The following BMP5 variants were observed in gnomAD, a reference collection of about 807,000 sequenced individuals.
The protein encoded by BMP5 is bone morphogenetic protein 5.
In BMP5, 23 loss-of-function variants were observed where a neutral mutation model predicts 46.6. The ratio of observed to expected loss-of-function variants is 0.49; its 90% CI spans 0.35 to 0.70. BMP5 has a LOEUF of 0.70. BMP5 is among the 30% of genes least tolerant of loss of function. The probability of loss-of-function intolerance (pLI) is 0.00; values close to 1 mark genes in which losing one functional copy is unlikely to be tolerated. For missense variants in BMP5, 545 were observed against 565.6 expected, an observed-to-expected ratio of 0.96 and a Z score of 0.37; for synonymous variants, 204 against 191.9, an observed-to-expected ratio of 1.06 and a Z score of -0.52.
intron 1 of BMP5, among the ~76,000 whole-genome samples, chr6:55,851,814 C>T (rs534702476): frequency 5.3e-5 from 8 of 152,072 alleles, no homozygotes; most frequent in South Asian, 2.1e-4. Context: ...AATCTACATT[C>T]CCTCTAGTAA....
chr6:55,854,701 A>C (rs888315816), intron 1 of BMP5, among the ~76,000 whole-genome samples: 1 of 152,098 alleles, frequency 6.6e-6, no homozygotes, highest in Non-Finnish European at 1.5e-5. Context: ...TTTACCTCAT[A>C]TGCTTCATTG....
intron 1 of BMP5, among the ~76,000 whole-genome samples, chr6:55,836,360 T>TGTGTGTA (rs1776792588): frequency 6.6e-6 from 1 of 152,180 alleles, no homozygotes; most frequent in African/African-American, 2.4e-5. Flanking sequence ...TGTATGTAAC[T>TGTGTGTA]ATTTTGCAAA....
intron 1 of BMP5, among the ~76,000 whole-genome samples, chr6:55,837,536 A>G (rs1350177028): frequency 1.3e-5 from 2 of 152,124 alleles, no homozygotes; most frequent in Admixed American, 1.3e-4. Flanking sequence ...GATACATAGT[A>G]GGTGTATATA....
chr6:55,866,789 C>A lies in BMP5; in HGVS notation c.490+7587G>T, dbSNP rs188306642. On this transcript the variant is annotated intron_variant, in intron 1 of 6. Transcript: ENST00000370830. Reference sequence around the variant, plus strand: ...TTAATATATCACCTGAAATTATTGACCCATGTACAATTTAAGGATTTTTTC... The same window carrying A: ...TTAATATATCACCTGAAATTATTGAACCATGTACAATTTAAGGATTTTTTC... Among the ~76,000 whole-genome samples the A allele has an allele frequency of 4.8e-3, 723 of 152,116 alleles. 9 individuals carry two copies. The highest frequency in any genetic ancestry group is 0.017 in the African/African-American group (695 of 41,496).
chr6:55,829,320 A>T (rs1776605659), intron 1 of BMP5, among the ~76,000 whole-genome samples: 2 of 151,790 alleles, frequency 1.3e-5, no homozygotes, highest in African/African-American at 4.8e-5. Flanking sequence ...ATAATAAATA[A>T]ATATAGGAAT....
At chr6:55,786,266 A>G (rs933952895) in intron 3 of BMP5, among the ~76,000 whole-genome samples, 1 of 151,802 alleles carries the variant, frequency 6.6e-6, no homozygotes, top group Admixed American at 6.6e-5. Flanking sequence ...TAATGCTTAA[A>G]GTATAAATAT....
chr6:55,797,765 T>C (rs754538759), intron 2 of BMP5, among the ~76,000 whole-genome samples: 26 of 151,904 alleles, frequency 1.7e-4, no homozygotes, highest in Middle Eastern at 3.2e-3. Flanking sequence ...TACAGGCGCC[T>C]GCCACCACGC....
intron 2 of BMP5, among the ~76,000 whole-genome samples, chr6:55,797,706 T>C (rs998588289): frequency 6.3e-5 from 9 of 142,184 alleles, no homozygotes; most frequent in African/African-American, 2.4e-4. Flanking sequence ...AAGATCCACC[T>C]CCAGGGTTCG....
intron 1 of BMP5, among the ~76,000 whole-genome samples, chr6:55,836,631 TACACACACACACAC>T (rs61358651): frequency 5.0e-5 from 7 of 139,518 alleles, no homozygotes; most frequent in Non-Finnish European, 3.1e-5. Flanking sequence ...CATACATACA[TACACACACACACAC>T]ACACACACAC....
chr6:55,793,975 T>C (rs1775639843), intron 3 of BMP5, among the ~76,000 whole-genome samples: 2 of 152,208 alleles, frequency 1.3e-5, no homozygotes. Context: ...TTTGGTATTG[T>C]TGTATTAGAG....
At chr6:55,833,720 G>C (rs540599913) in intron 1 of BMP5, among the ~76,000 whole-genome samples, 2 of 152,288 alleles carry the variant, frequency 1.3e-5, no homozygotes, top group Non-Finnish European at 2.9e-5. Flanking sequence ...AAGGATAAAA[G>C]TCTGTGTCGT....
chr6:55,847,003 G>A (rs1189441344), intron 1 of BMP5, among the ~76,000 whole-genome samples: 1 of 151,174 alleles, frequency 6.6e-6, no homozygotes, highest in Non-Finnish European at 1.5e-5. Flanking sequence ...CAAAAAAAAA[G>A]GAAAATAACC....
At chr6:55,803,035 C>T (rs1775887707) in intron 2 of BMP5, among the ~76,000 whole-genome samples, 1 of 151,156 alleles carries the variant, frequency 6.6e-6, no homozygotes, top group South Asian at 2.1e-4. Flanking sequence ...GCCTGTAATC[C>T]CAGCACTTGG....
intron 1 of BMP5, among the ~76,000 whole-genome samples, chr6:55,825,353 T>C (rs1339017613): frequency 1.3e-5 from 2 of 151,870 alleles, no homozygotes; most frequent in African/African-American, 2.4e-5. Context: ...AATAATTTAT[T>C]ATTATATTTT....
intron 2 of BMP5, among the ~76,000 whole-genome samples, chr6:55,805,916 AT>A (rs376567345): frequency 3.3e-5 from 5 of 150,184 alleles, no homozygotes; most frequent in African/African-American, 7.3e-5. Context: ...TGATGGGGTT[AT>A]TTTTTTTTCC....
At position 55,874,646 on chromosome 6, in the gene BMP5, C is replaced by T. The variant is rs181666816; in HGVS notation, c.220G>A (p.Ala74Thr). The T allele has an allele frequency of 1.5e-5, 24 of 1,613,564 alleles. No individual in the cohort carries two copies. The Admixed American group carries it at 3.8e-4, about 26-fold the overall frequency. The change falls in exon 1 of 7, where the codon GCG becomes ACG. Residue 74 changes from alanine (A) to threonine (T), a missense_variant. Physicochemically the swap from Ala to Thr is moderately conservative, Grantham distance 58. Coordinates refer to ENST00000370830, the MANE Select transcript of BMP5 (RefSeq NM_021073.4). ...RPRPFSPGKQ[A>T]SSAPLFMLDL... The stretch of plus-strand genomic sequence containing the variant: ...AGCATAAAGAGAGGTGCAGAGGACG[C>T]TTGTTTTCCAGGTGAAAATGGTCTG...
At chr6:55,777,427 A>G (rs1775203669) in intron 3 of BMP5, among the ~76,000 whole-genome samples, 1 of 152,012 alleles carries the variant, frequency 6.6e-6, no homozygotes. Flanking sequence ...GTGTATCAAC[A>G]TGGATTTAAT....
chr6:55,774,053 A>C lies in BMP5; in HGVS notation c.1023T>G (p.Val341=). The change falls in exon 4 of 7, where the codon GTT becomes GTG. Residue 341 remains valine (V), a synonymous_variant. Coordinates refer to ENST00000370830, the MANE Select transcript of BMP5 (RefSeq NM_021073.4). ...SHQDSSRMSS[V]GDYNTSEQKQ... ...GCTGCTCGGGTTTATTCTTACCTCC[A>C]ACACTGGACATTCTGGAGGAGTCCT... The C allele has an allele frequency of 6.2e-7, 1 of 1,612,414 alleles. No homozygotes were observed. Among genetic ancestry groups the C allele is most frequent in the Non-Finnish European group, 8.5e-7 (1 of 1,179,170 alleles).
chr6:55,818,350 A>G (rs190817969), intron 2 of BMP5, among the ~76,000 whole-genome samples: 46 of 151,882 alleles, frequency 3.0e-4, no homozygotes, highest in Admixed American at 1.1e-3. Flanking sequence ...AAAAGTTTCT[A>G]TTTCCTTACA....
Sources: gnomAD v4.1 joint callset for allele counts (sites outside exome capture counted in the v4.1 genomes callset) on GRCh38, gnomAD v4.1.1 for gene constraint, MANE v1.5 for transcripts, NCBI Gene and HGNC (gene_info 2026-07-23, HGNC 2026-07-21) for gene names.